DTNBP1: variants seen among roughly 807,000 people sequenced by gnomAD.
DTNBP1 encodes the protein dysbindin.
In DTNBP1, 35 loss-of-function variants were observed where a neutral mutation model predicts 42.8. The observed-to-expected ratio is 0.82, with a 90% CI of 0.63 to 1.09. The LOEUF is 1.09. Ranked by LOEUF, DTNBP1 falls within the 50% of genes least tolerant of loss-of-function variation. The probability of loss-of-function intolerance (pLI) is 0.00; values close to 1 mark genes in which losing one functional copy is unlikely to be tolerated. For missense variants in DTNBP1, 457 were observed against 424.2 expected, an observed-to-expected ratio of 1.08 and a Z score of -0.68; for synonymous variants, 171 against 162.2, an observed-to-expected ratio of 1.05 and a Z score of -0.41.
intron 7 of DTNBP1, among the ~76,000 whole-genome samples, chr6:15,554,540 G>A (rs1774403443): frequency 1.3e-5 from 2 of 152,178 alleles, no homozygotes; most frequent in African/African-American, 4.8e-5. Context: ...AGCCTGTAGG[G>A]TGGCCATCCT....
chr6:15,523,019 C>CA lies in DTNBP1; in HGVS notation c.1011dup (p.Asp338Ter). ...CCACCATCCGGAGTGGCCTCTCTGT[C>CA]AGTGTGTGATGTGGCCAGGGCAGTG... On this transcript the variant is annotated frameshift_variant, in exon 10 of 10. Coordinates refer to ENST00000344537, the MANE Select transcript of DTNBP1 (RefSeq NM_032122.5). LOFTEE classifies it high-confidence loss of function. 3 of 1,614,220 alleles carry CA rather than the reference C, an allele frequency of 1.9e-6. No homozygotes were observed. The highest frequency in any genetic ancestry group is 2.5e-6 in the Non-Finnish European group (3 of 1,180,046).
At chr6:15,530,743 G>A (rs1772763603) in intron 8 of DTNBP1, among the ~76,000 whole-genome samples, 1 of 152,122 alleles carries the variant, frequency 6.6e-6, no homozygotes, top group Admixed American at 6.5e-5. Flanking sequence ...CTTCCTCTGG[G>A]CTCACCAGCA....
intron 7 of DTNBP1, among the ~76,000 whole-genome samples, chr6:15,554,861 G>A (rs1774419362): frequency 1.3e-5 from 2 of 152,096 alleles, no homozygotes; most frequent in South Asian, 2.1e-4. Context: ...AGACTGGCCC[G>A]AACCATTCCG....
intron 3 of DTNBP1, among the ~76,000 whole-genome samples, chr6:15,648,257 A>G (rs1760795373): frequency 6.6e-6 from 1 of 151,988 alleles, no homozygotes; most frequent in Non-Finnish European, 1.5e-5. Flanking sequence ...TCTCAACATA[A>G]TAAAAATTCA....
rs180832601 is a variant in DTNBP1 at position 15,655,907 on chromosome 6, A to G, written c.57-3767T>C. On this transcript the variant is annotated intron_variant, in intron 1 of 9. Transcript: ENST00000344537. ...CTCTGGAGAACTTATTCTGTCCTGG[A>G]AACAACCCACTTATAACGTCTGTTT... Among the ~76,000 whole-genome samples the G allele has an allele frequency of 3.9e-3, 589 of 152,338 alleles. 3 individuals carry two copies. Among genetic ancestry groups the G allele is most frequent in the South Asian group, 0.016 (78 of 4,826 alleles).
chr6:15,628,659 G>C (rs945960222), intron 4 of DTNBP1, among the ~76,000 whole-genome samples: 1 of 151,902 alleles, frequency 6.6e-6, no homozygotes, highest in Non-Finnish European at 1.5e-5. Context: ...CACCCATCTT[G>C]GCCTCCCAAA....
At chr6:15,572,369 A>G (rs1775375860) in intron 7 of DTNBP1, among the ~76,000 whole-genome samples, 1 of 152,068 alleles carries the variant, frequency 6.6e-6, no homozygotes, top group African/African-American at 2.4e-5. Flanking sequence ...TCTCCCCACC[A>G]TATGTATTTT....
At chr6:15,656,341 T>G (rs932193060) in intron 1 of DTNBP1, among the ~76,000 whole-genome samples, 3 of 152,226 alleles carry the variant, frequency 2.0e-5, no homozygotes, top group African/African-American at 7.2e-5. Context: ...TTTCTACTAA[T>G]GACAACTTTC....
Position 15,641,843 on chromosome 6 carries a change from G to A in DTNBP1, c.162-4039C>T, listed in dbSNP as rs187900204. 2.6e-5 allele frequency among the ~76,000 whole-genome samples: 4 copies of A among 152,258 alleles called. No homozygotes were observed. The East Asian group carries it at 7.7e-4, about 29-fold the overall frequency. Reference sequence around the variant, plus strand: ...CCCCCTGCGTGGGCCATCCCTAAGTGGAAGAGAGTGCAGCCCATCAAAAGC... The same window carrying A: ...CCCCCTGCGTGGGCCATCCCTAAGTAGAAGAGAGTGCAGCCCATCAAAAGC... On this transcript the variant is annotated intron_variant, in intron 3 of 9. Transcript: ENST00000344537.
chr6:15,585,581 T>A, intron 7 of DTNBP1: 2 of 1,012,110 alleles, frequency 2.0e-6, no homozygotes, highest in Admixed American at 6.1e-5. Flanking sequence ...TAGGTTCAAG[T>A]CAAGTTGAAA....
intron 7 of DTNBP1, among the ~76,000 whole-genome samples, chr6:15,588,875 G>A (rs755748529): frequency 6.6e-6 from 1 of 152,134 alleles, no homozygotes; most frequent in Admixed American, 6.5e-5. Context: ...CAAGTGTCAT[G>A]ACCTCTCTCT....
At chr6:15,621,894 G>A (rs1348936229) in intron 5 of DTNBP1, among the ~76,000 whole-genome samples, 1 of 152,030 alleles carries the variant, frequency 6.6e-6, no homozygotes, top group Non-Finnish European at 1.5e-5. Context: ...CCTCCCACAG[G>A]GCTCCCTTCC....
intron 4 of DTNBP1, among the ~76,000 whole-genome samples, chr6:15,628,956 CTCACAT>C (rs1266446357): frequency 6.6e-6 from 1 of 152,198 alleles, no homozygotes; most frequent in African/African-American, 2.4e-5. Context: ...CACATAATCT[CTCACAT>C]TCAAGCCTCA....
intron 8 of DTNBP1, among the ~76,000 whole-genome samples, chr6:15,526,320 A>C (rs1772386435): frequency 6.6e-6 from 1 of 152,208 alleles, no homozygotes; most frequent in African/African-American, 2.4e-5. Context: ...ACGAGGAGTC[A>C]CCAAGGCCAA....
chr6:15,526,264 G>A (rs1174879293), intron 8 of DTNBP1, among the ~76,000 whole-genome samples: 1 of 152,186 alleles, frequency 6.6e-6, no homozygotes, highest in South Asian at 2.1e-4. Flanking sequence ...GCAAAGAGAC[G>A]TGTGAGTGTG....
chr6:15,523,273 G>A, intron 9 of DTNBP1, 54 bp from the exon 10 acceptor site: 2 of 1,608,624 alleles, frequency 1.2e-6, no homozygotes, highest in East Asian at 2.2e-5. Flanking sequence ...TTGTGAATCA[G>A]AATTGCCGCC....
intron 5 of DTNBP1, among the ~76,000 whole-genome samples, chr6:15,623,014 C>A (rs1216548405): frequency 6.6e-6 from 1 of 152,152 alleles, no homozygotes; most frequent in Non-Finnish European, 1.5e-5. Context: ...CAAGACTGTT[C>A]AAATGCTTAC....
At chr6:15,561,905 A>G (rs1774862540) in intron 7 of DTNBP1, among the ~76,000 whole-genome samples, 2 of 152,254 alleles carry the variant, frequency 1.3e-5, no homozygotes, top group Non-Finnish European at 2.9e-5. Context: ...ACTGCTTATT[A>G]TACATTTATT....
chr6:15,641,428 G>A (rs929485404), intron 3 of DTNBP1, among the ~76,000 whole-genome samples: 6 of 152,140 alleles, frequency 3.9e-5, no homozygotes, highest in African/African-American at 1.4e-4. Flanking sequence ...TGACCCTCAA[G>A]GACCTTGGAG....
Sources: gnomAD v4.1 joint callset for allele counts (sites outside exome capture counted in the v4.1 genomes callset) on GRCh38, gnomAD v4.1.1 for gene constraint, MANE v1.5 for transcripts, NCBI Gene and HGNC (gene_info 2026-07-23, HGNC 2026-07-21) for gene names.